Variants in NFIA observed in about 807,000 individuals in gnomAD.
NFIA encodes nuclear factor I A.
A neutral mutation model predicts 62.8 loss-of-function variants in NFIA; 8 were observed. The ratio of observed to expected loss-of-function variants is 0.13; its 90% CI spans 0.07 to 0.23. NFIA has a LOEUF of 0.23. NFIA is among the 10% of genes least tolerant of loss of function. The pLI is 1.00. For missense variants in NFIA, 410 were observed against 642.1 expected, an observed-to-expected ratio of 0.64 and a Z score of 3.91; for synonymous variants, 235 against 238.1, an observed-to-expected ratio of 0.99 and a Z score of 0.12.
At chr1:61,437,344 A>G (rs1050258952) in intron 10 of NFIA, among the ~76,000 whole-genome samples, 2 of 152,138 alleles carry the variant, frequency 1.3e-5, no homozygotes, top group African/African-American at 2.4e-5. Flanking sequence ...GGAACTGACC[A>G]TAGGAGGGAC....
In NFIA at chr1:61,420,962, C is replaced by T. The variant is rs1183672198; in HGVS notation, c.1421-5503C>T. Among the ~76,000 whole-genome samples, 3 of 152,226 alleles carry T rather than the reference C, an allele frequency of 2.0e-5. No individual in the cohort carries two copies. The East Asian group carries it at 5.8e-4, about 29-fold the overall frequency. On this transcript the variant is annotated intron_variant, in intron 9 of 10. Transcript: ENST00000403491. ...TTGCTGTATGGCAAAACGTAATTTG[C>T]AATTTCTCTATCTTCTCCTTTCCCT...
intron 7 of NFIA, among the ~76,000 whole-genome samples, chr1:61,384,954 G>A (rs1342230523): frequency 1.3e-5 from 2 of 152,106 alleles, no homozygotes; most frequent in Non-Finnish European, 2.9e-5. Context: ...ATGATGGGCC[G>A]GGCACAGTGG....
rs891459547 is a variant in NFIA at position 61,165,923 on chromosome 1, C to T, written c.559+77243C>T. 3.9e-5 allele frequency among the ~76,000 whole-genome samples: 6 copies of T among 152,020 alleles called. 1 individual carries two copies. The highest frequency in any genetic ancestry group is 3.9e-4 in the East Asian group (2 of 5,184). On this transcript the variant is annotated intron_variant, in intron 2 of 10. Transcript: ENST00000403491. Reference sequence around the variant, plus strand: ...GTTAGTGGAATCTTTAGTAATACTACGATAATTAAATAGTTAAGCTATAGG... The same window carrying T: ...GTTAGTGGAATCTTTAGTAATACTATGATAATTAAATAGTTAAGCTATAGG...
At chr1:61,424,658 C>T (rs1411748647) in intron 9 of NFIA, among the ~76,000 whole-genome samples, 1 of 152,132 alleles carries the variant, frequency 6.6e-6, no homozygotes, top group Admixed American at 6.5e-5. Context: ...TATTTCACCT[C>T]CTAGCTTCCT....
chr1:61,350,220 G>A (rs1320637599), intron 4 of NFIA, among the ~76,000 whole-genome samples: 1 of 152,070 alleles, frequency 6.6e-6, no homozygotes, highest in East Asian at 1.9e-4. Context: ...CTGGTGTCAG[G>A]GACTATATTA....
At chr1:61,393,097 C>G (rs192196772) in intron 7 of NFIA, among the ~76,000 whole-genome samples, 31 of 151,658 alleles carry the variant, frequency 2.0e-4, no homozygotes, top group African/African-American at 7.5e-4. Context: ...TCAGATAAGC[C>G]CCGTTCTTTC....
In NFIA at chr1:61,115,137, G is replaced by A. The variant is rs569691427; in HGVS notation, c.559+26457G>A. ...TGGGATTACAGGCAAAGGCCACCAC[G>A]CCCAGCTAACTTTTTGTATTTTTAG... On this transcript the variant is annotated intron_variant, in intron 2 of 10. Coordinates refer to ENST00000403491, the MANE Select transcript of NFIA (RefSeq NM_001134673.4). Among the ~76,000 whole-genome samples, 7 of 152,144 alleles carry A rather than the reference G, an allele frequency of 4.6e-5. No homozygotes were observed. The East Asian group carries it at 1.2e-3, about 25-fold the overall frequency.
intron 7 of NFIA, among the ~76,000 whole-genome samples, chr1:61,383,677 TGAGA>T (rs920111863): frequency 1.8e-3 from 270 of 152,060 alleles, no homozygotes; most frequent in African/African-American, 6.1e-3. Context: ...TGTGTGTGTG[TGAGA>T]GAGAGAGACA....
chr1:61,236,303 G>A (rs1056311787), intron 2 of NFIA, among the ~76,000 whole-genome samples: 9 of 152,188 alleles, frequency 5.9e-5, no homozygotes, highest in Non-Finnish European at 1.3e-4. Flanking sequence ...TGTGAAGCAG[G>A]GGCTGTATCT....
At chr1:61,424,498 A>G (rs1234935909) in intron 9 of NFIA, among the ~76,000 whole-genome samples, 1 of 152,162 alleles carries the variant, frequency 6.6e-6, no homozygotes, top group African/African-American at 2.4e-5. Flanking sequence ...GCCATCAAAC[A>G]TGGACTCACG....
Position 61,346,307 on chromosome 1 carries a change from C to T in NFIA, c.701-6143C>T, listed in dbSNP as rs9436207. Among the ~76,000 whole-genome samples the T allele has an allele frequency of 2.6e-5, 4 of 152,028 alleles. No homozygotes were observed. In the South Asian group the frequency reaches 8.3e-4, roughly 32 times the overall value. ...GCGACTGCATCGTTTTTATAGCACA[C>T]CAGAAGGCAGTTAGTCTTTAACCTC... On this transcript the variant is annotated intron_variant, in intron 4 of 10. Transcript: ENST00000403491.
intron 4 of NFIA, among the ~76,000 whole-genome samples, chr1:61,335,849 A>T (rs1381892223): frequency 2.6e-5 from 4 of 152,282 alleles, no homozygotes; most frequent in African/African-American, 9.6e-5. Flanking sequence ...TCTCAAAAAA[A>T]AAAAGAAATA....
chr1:61,126,421 G>GTT (rs577418984), intron 2 of NFIA, among the ~76,000 whole-genome samples: 1 of 84,566 alleles, frequency 1.2e-5, no homozygotes, highest in African/African-American at 4.1e-5. Flanking sequence ...TACCTAGTTG[G>GTT]TTTTTTTTGA....
intron 2 of NFIA, among the ~76,000 whole-genome samples, chr1:61,258,384 G>T (rs772644495): frequency 6.6e-6 from 1 of 152,114 alleles, no homozygotes; most frequent in South Asian, 2.1e-4. Context: ...TTTTAAATGC[G>T]TGCTACAATG....
intron 7 of NFIA, among the ~76,000 whole-genome samples, chr1:61,394,235 A>G (rs1240883921): frequency 3.3e-5 from 5 of 152,126 alleles, no homozygotes; most frequent in Non-Finnish European, 7.4e-5. Flanking sequence ...GTGCAGTGGC[A>G]CGATCTTGGC....
intron 2 of NFIA, among the ~76,000 whole-genome samples, chr1:61,233,939 CT>C (rs1185552847): frequency 1.3e-5 from 2 of 152,128 alleles, no homozygotes; most frequent in African/African-American, 2.4e-5. Flanking sequence ...TGATTTTCTA[CT>C]GAGAATCTAT....
At chr1:61,428,840 G>A (rs1666982347) in intron 10 of NFIA, among the ~76,000 whole-genome samples, 1 of 152,144 alleles carries the variant, frequency 6.6e-6, no homozygotes, top group Admixed American at 6.5e-5. Context: ...TTGTTACAAA[G>A]CATGACATTT....
In NFIA at chr1:61,189,184, A is replaced by G. The variant is rs368878021; in HGVS notation, c.560-88336A>G. On this transcript the variant is annotated intron_variant, in intron 2 of 10. Transcript: ENST00000403491. ...GGTCTTGGCAGGTCGTGGGCTGGCA[A>G]GGTATGGAGGAGACAGATTCAGAAG... 5.3e-5 allele frequency among the ~76,000 whole-genome samples: 8 copies of G among 152,278 alleles called. No individual in the cohort carries two copies. The East Asian group carries it at 1.5e-3, about 29-fold the overall frequency.
At chr1:61,391,467 C>G (rs1664978147) in intron 7 of NFIA, among the ~76,000 whole-genome samples, 1 of 149,546 alleles carries the variant, frequency 6.7e-6, no homozygotes, top group African/African-American at 2.5e-5. Context: ...CACACACACA[C>G]ACACACACAC....
Sources: gnomAD v4.1 joint callset for allele counts (sites outside exome capture counted in the v4.1 genomes callset) on GRCh38, gnomAD v4.1.1 for gene constraint, MANE v1.5 for transcripts, NCBI Gene and HGNC (gene_info 2026-07-23, HGNC 2026-07-21) for gene names.